The following ZNF536 variants were observed in gnomAD, a reference collection of about 807,000 sequenced individuals.
ZNF536 encodes the protein zinc finger protein 536.
In ZNF536, 13 loss-of-function variants were observed where a neutral mutation model predicts 84.5. The ratio of observed to expected loss-of-function variants is 0.15; its 90% CI spans 0.10 to 0.24. The LOEUF (loss-of-function observed/expected upper bound fraction) is 0.24, where lower values mean the gene tolerates loss of function less well. ZNF536 is among the 10% of genes least tolerant of loss of function. The pLI is 1.00. For synonymous variants in ZNF536, 811 were observed against 742.5 expected, an observed-to-expected ratio of 1.09 and a Z score of -1.50; for missense variants, 1,536 against 1,747.5, an observed-to-expected ratio of 0.88 and a Z score of 2.16.
intron 1 of ZNF536, among the ~76,000 whole-genome samples, chr19:30,264,966 T>TGTGAGA (rs59889852): frequency 0.037 from 4,964 of 133,686 alleles, 106 homozygotes; most frequent in Admixed American, 0.048. Flanking sequence ...TGTGTGTGTG[T>TGTGAGA]GAGAGAGAGA....
chr19:30,455,035 A>AAAAC (rs56166320), intron 2 of ZNF536, among the ~76,000 whole-genome samples: 69,283 of 149,728 alleles, frequency 0.46, 17,188 homozygotes, highest in Non-Finnish European at 0.57. Flanking sequence ...CTCCATCTCA[A>AAAAC]AAACAAACAA....
intron 1 of ZNF536, among the ~76,000 whole-genome samples, chr19:30,247,810 CAGAG>C (rs2024366056): frequency 6.6e-6 from 1 of 152,224 alleles, no homozygotes; most frequent in Non-Finnish European, 1.5e-5. Flanking sequence ...GTCTGCGTGA[CAGAG>C]TGAGATGCTG....
intron 3 of ZNF536, among the ~76,000 whole-genome samples, chr19:30,361,743 G>A (rs887632248): frequency 6.3e-5 from 8 of 127,020 alleles, no homozygotes; most frequent in African/African-American, 1.8e-4. Flanking sequence ...GAGCCTGGAC[G>A]TAAATTTCTT....
chr19:30,414,592 C>T (rs1302258457), intron 1 of ZNF536, among the ~76,000 whole-genome samples: 1 of 152,176 alleles, frequency 6.6e-6, no homozygotes, highest in African/African-American at 2.4e-5. Flanking sequence ...ATTCAGCATC[C>T]ATATCCTCCC....
chr19:30,335,048 TG>T (rs748033211), intron 2 of ZNF536, among the ~76,000 whole-genome samples: 6 of 152,088 alleles, frequency 3.9e-5, no homozygotes, highest in Non-Finnish European at 7.4e-5. Context: ...GACTGAGGGT[TG>T]GGGGCCCCTG....
rs759984378 is a variant in ZNF536, at chr19:30,534,884, G to A, written c.2208G>A (p.Gln736=). The change falls in exon 3 of 5, where the codon CAG becomes CAA. Residue 736 remains glutamine (Q), a synonymous_variant. Coordinates refer to ENST00000355537, the MANE Select transcript of ZNF536 (RefSeq NM_014717.3). ...AGGCTGGGAGATCTGCCGGCGTCCA[G>A]CAACCAGCGCTGCTTCGCGACAGAA... ...GEEAGRSAGV[Q]QPALLRDRSL... The A allele has an allele frequency of 2.9e-5, 47 of 1,613,542 alleles. No homozygotes were observed. The Admixed American group carries it at 6.2e-4, about 21-fold the overall frequency.
At position 30,548,995 on chromosome 19, in the gene ZNF536, G is replaced by T. The variant is rs756428925; in HGVS notation, c.3376G>T (p.Ala1126Ser). Residue 1126 changes from alanine (A) to serine (S), a missense_variant, in exon 4 of 5, where the codon GCC becomes TCC. Physicochemically the swap from Ala to Ser is moderately conservative, Grantham distance 99. Transcript: ENST00000355537. ...GVYPGMVGSG[A>S]SSSCPNKEPD... ...TTACCCAGGCATGGTTGGCTCAGGG[G>T]CCTCCAGTTCCTGCCCCAACAAGGA... 2 of 1,614,136 alleles carry T rather than the reference G, an allele frequency of 1.2e-6. No individual in the cohort carries two copies. Among genetic ancestry groups the T allele is most frequent in the Middle Eastern group, 1.6e-4 (1 of 6,062 alleles).
At chr19:30,291,397 GTA>G (rs1400270274) in intron 2 of ZNF536, among the ~76,000 whole-genome samples, 4 of 152,118 alleles carry the variant, frequency 2.6e-5, no homozygotes, top group Non-Finnish European at 5.9e-5. Context: ...GTATGAGATG[GTA>G]TCTCTTCGTG....
chr19:30,576,173 G>C (rs2046727542), intron 1 of ZNF536, among the ~76,000 whole-genome samples: 2 of 152,214 alleles, frequency 1.3e-5, no homozygotes, highest in Non-Finnish European at 2.9e-5. Flanking sequence ...CCTCTGCAGA[G>C]CATGAGACGA....
chr19:30,657,944 A>G (rs1239772109), intron 1 of ZNF536, among the ~76,000 whole-genome samples: 2 of 152,178 alleles, frequency 1.3e-5, no homozygotes, highest in African/African-American at 2.4e-5. Flanking sequence ...TACACGCTTC[A>G]GCTAGAAGGA....
intron 1 of ZNF536, among the ~76,000 whole-genome samples, chr19:30,274,367 A>G (rs989935239): frequency 6.6e-6 from 1 of 152,272 alleles, no homozygotes. Flanking sequence ...GAATTTTCTA[A>G]TAGCCACATT....
intron 1 of ZNF536, among the ~76,000 whole-genome samples, chr19:30,699,711 A>G (rs2147977152): frequency 6.6e-6 from 1 of 152,286 alleles, no homozygotes; most frequent in Non-Finnish European, 1.5e-5. Flanking sequence ...TGAGCCACTG[A>G]GCCTCTTGAA....
intron 1 of ZNF536, among the ~76,000 whole-genome samples, chr19:30,380,840 T>G (rs982040711): frequency 1.3e-5 from 2 of 152,160 alleles, no homozygotes; most frequent in Non-Finnish European, 2.9e-5. Context: ...TATTTTAAAA[T>G]AAATTTATTT....
At chr19:30,280,247 GC>G (rs1366287062) in intron 1 of ZNF536, among the ~76,000 whole-genome samples, 2 of 147,330 alleles carry the variant, frequency 1.4e-5, no homozygotes, top group African/African-American at 2.5e-5. Context: ...CTTTCCTCCT[GC>G]CCCCCTTACT....
chr19:30,463,885 T>G (rs2053268257), intron 2 of ZNF536, among the ~76,000 whole-genome samples: 1 of 152,062 alleles, frequency 6.6e-6, no homozygotes, highest in African/African-American at 2.4e-5. Context: ...GTGTTCTGTT[T>G]GCTGTCAGCA....
At chr19:30,424,755 G>A (rs1417699747) in intron 1 of ZNF536, among the ~76,000 whole-genome samples, 1 of 152,184 alleles carries the variant, frequency 6.6e-6, no homozygotes, top group Non-Finnish European at 1.5e-5. Flanking sequence ...CACAGACAAG[G>A]AAAGCACTGG....
chr19:30,652,554 C>T (rs190361652), intron 1 of ZNF536, among the ~76,000 whole-genome samples: 5 of 152,184 alleles, frequency 3.3e-5, no homozygotes, highest in Admixed American at 2.6e-4. Flanking sequence ...GCAGGCATTT[C>T]CACCGTCATC....
At chr19:30,507,494 C>A (rs1175340295) in intron 2 of ZNF536, among the ~76,000 whole-genome samples, 1 of 152,026 alleles carries the variant, frequency 6.6e-6, no homozygotes, top group Admixed American at 6.6e-5. Flanking sequence ...ATACAATAAA[C>A]CTTTTTAAAA....
At chr19:30,512,281 G>A (rs963578850) in intron 2 of ZNF536, among the ~76,000 whole-genome samples, 3 of 152,106 alleles carry the variant, frequency 2.0e-5, no homozygotes, top group African/African-American at 4.8e-5. Context: ...TTAAAATGTC[G>A]TTCAGAACAT....
Sources: allele counts gnomAD v4.1 joint callset (sites outside exome capture counted in the v4.1 genomes callset), GRCh38; gene constraint gnomAD v4.1.1; transcripts MANE v1.5; gene names NCBI Gene and HGNC (gene_info 2026-07-23, HGNC 2026-07-21).